The following NSG2 variants were observed in gnomAD, a reference collection of about 807,000 sequenced individuals.
NSG2 encodes the protein neuronal vesicle trafficking associated 2.
Under a neutral mutation model 16.9 loss-of-function variants are expected in NSG2, and 4 were observed. That is an observed-to-expected ratio of 0.24 (90% CI 0.12 to 0.54). The LOEUF is 0.54. NSG2 is among the 20% of genes least tolerant of loss of function. The pLI is 0.95. For missense variants in NSG2, 179 were observed against 221.1 expected (o/e 0.81, Z 1.21); for synonymous variants, 98 against 88.7 (o/e 1.11, Z -0.59).
At chr5:174,048,189 A>T (rs1004097530) in intron 2 of NSG2, among the ~76,000 whole-genome samples, 4 of 152,248 alleles carry the variant, frequency 2.6e-5, no homozygotes, top group Non-Finnish European at 4.4e-5. Flanking sequence ...GAGAAGGGGC[A>T]ATATTAATAG....
chr5:174,079,426 T>A (rs1760409315), intron 3 of NSG2, among the ~76,000 whole-genome samples: 1 of 152,052 alleles, frequency 6.6e-6, no homozygotes, highest in African/African-American at 2.4e-5. Context: ...CCTAGCTAAT[T>A]TTTGTATTTT....
intron 2 of NSG2, among the ~76,000 whole-genome samples, chr5:174,050,482 C>T (rs983987769): frequency 2.0e-5 from 3 of 152,170 alleles, no homozygotes; most frequent in Admixed American, 2.0e-4. Context: ...GCACCCATTT[C>T]ACTCATGAGG....
intron 3 of NSG2, among the ~76,000 whole-genome samples, chr5:174,092,798 T>G (rs993241527): frequency 6.6e-6 from 1 of 152,100 alleles, no homozygotes. Flanking sequence ...TGGCCCAGAC[T>G]CGGCACGTGA....
At chr5:174,103,391 G>C (rs576612223) in intron 3 of NSG2, among the ~76,000 whole-genome samples, 1 of 152,294 alleles carries the variant, frequency 6.6e-6, no homozygotes, top group African/African-American at 2.4e-5. Context: ...GACATATTCT[G>C]AGATGAAGAA....
rs983120228 is a variant in NSG2, at chr5:174,072,204, C to T, written c.213+7889C>T. On this transcript the variant is annotated intron_variant, in intron 3 of 4. Transcript: ENST00000303177. This position sits in a 1 kb window ranked among gnomAD's most constrained non-coding sequence, Gnocchi z 4.0. ...CCAGCCCTCTCCCTGATCCCTGGCC[C>T]CTTTCCTCAGCAGCCCCAGTCCTTT... Among the ~76,000 whole-genome samples, 1 of 152,212 alleles carries T rather than the reference C, an allele frequency of 6.6e-6. No homozygotes were observed. Among genetic ancestry groups the T allele is most frequent in the African/African-American group, 2.4e-5 (1 of 41,456 alleles).
At position 174,103,824 on chromosome 5, in the gene NSG2, TGTG is replaced by T. The variant is rs1429791254; in HGVS notation, c.214-396_214-394del. Among the ~76,000 whole-genome samples the T allele has an allele frequency of 4.6e-5, 7 of 151,870 alleles. No individual in the cohort carries two copies. The East Asian group carries it at 1.2e-3, about 25-fold the overall frequency. On this transcript the variant is annotated intron_variant, in intron 3 of 4. Transcript: ENST00000303177. Reference sequence around the variant, plus strand: ...CTAAAAAATACAAAAATTAGCCAGGTGTGGTGGTGGGTACCTGTAATCCCAGCT... The same window carrying T: ...CTAAAAAATACAAAAATTAGCCAGGTGTGGTGGGTACCTGTAATCCCAGCT...
At chr5:174,085,228 T>G (rs1760587349) in intron 3 of NSG2, among the ~76,000 whole-genome samples, 1 of 152,212 alleles carries the variant, frequency 6.6e-6, no homozygotes, top group Non-Finnish European at 1.5e-5. Context: ...TCTTTGGAAG[T>G]CCACCCAATG....
intron 3 of NSG2, among the ~76,000 whole-genome samples, chr5:174,081,819 G>A (rs1760474233): frequency 6.7e-6 from 1 of 149,886 alleles, no homozygotes; most frequent in Non-Finnish European, 1.5e-5. Context: ...GAACCCGGGA[G>A]GCAGAGCTTG....
intron 3 of NSG2, chr5:174,091,274 C>T (rs1760718031): frequency 6.6e-6 from 1 of 152,286 alleles, no homozygotes; most frequent in Non-Finnish European, 1.5e-5. Context: ...ATAGTCTGGC[C>T]CTGCTATGGG....
intron 3 of NSG2, among the ~76,000 whole-genome samples, chr5:174,080,525 TTCTC>T (rs72447938): frequency 0.063 from 7,909 of 125,022 alleles, 272 homozygotes; most frequent in Middle Eastern, 0.12. Flanking sequence ...CTTTCTTTCT[TTCTC>T]TCTCTCTCTC....
At chr5:174,052,514 A>G (rs750332934) in intron 2 of NSG2, among the ~76,000 whole-genome samples, 7 of 152,048 alleles carry the variant, frequency 4.6e-5, no homozygotes, top group African/African-American at 9.7e-5. Context: ...CAATTTCTCT[A>G]CTTGGTAGCT....
chr5:174,078,170 A>C (rs1265294102), intron 3 of NSG2, among the ~76,000 whole-genome samples: 2 of 152,184 alleles, frequency 1.3e-5, no homozygotes, highest in African/African-American at 4.8e-5. Flanking sequence ...GAACATTTCC[A>C]TCATTGCAGA....
intron 3 of NSG2, among the ~76,000 whole-genome samples, chr5:174,068,344 G>A (rs1009789820): frequency 2.0e-4 from 31 of 152,200 alleles, no homozygotes; most frequent in African/African-American, 7.0e-4. Context: ...AGGAGGCCCT[G>A]CAGTCATTGT....
intron 2 of NSG2, among the ~76,000 whole-genome samples, chr5:174,054,522 ACAGGCACATG>A (rs1363778758): frequency 6.6e-6 from 1 of 152,168 alleles, no homozygotes; most frequent in African/African-American, 2.4e-5. Context: ...AACTGGGACT[ACAGGCACATG>A]CTACCACACC....
chr5:174,075,247 T>C (rs927590611), intron 3 of NSG2, among the ~76,000 whole-genome samples: 4 of 152,142 alleles, frequency 2.6e-5, no homozygotes, highest in Non-Finnish European at 5.9e-5. Context: ...CATGATTAAT[T>C]AAGCCACTCG....
chr5:174,054,075 A>T (rs554221413), intron 2 of NSG2, among the ~76,000 whole-genome samples: 1 of 152,368 alleles, frequency 6.6e-6, no homozygotes, highest in Non-Finnish European at 1.5e-5. Flanking sequence ...ACGCATGTGG[A>T]ATCCTAAGCA....
chr5:174,085,962 A>G (rs947964233), intron 3 of NSG2, among the ~76,000 whole-genome samples: 2 of 152,260 alleles, frequency 1.3e-5, no homozygotes, highest in African/African-American at 4.8e-5. Flanking sequence ...CTCCTGGCTT[A>G]CAGGGATGCT....
At chr5:174,056,260 A>T (rs1759966616) in intron 2 of NSG2, 1 of 115,166 alleles carries the variant, frequency 8.7e-6, no homozygotes, top group African/African-American at 4.3e-5. Context: ...CAGGCTCCTT[A>T]TCTGTAAAAT....
In NSG2 at chr5:174,046,844, C is replaced by G. The variant is rs368992677; in HGVS notation, c.89C>G (p.Pro30Arg). The G allele has an allele frequency of 6.2e-7, 1 of 1,613,982 alleles. No homozygotes were observed. Among genetic ancestry groups the G allele is most frequent in the Non-Finnish European group, 8.5e-7 (1 of 1,180,030 alleles). Reference sequence around the variant, plus strand: ...TTCCAGACCGTCCCTCTCATCACTCCCTTGGAGGTTAATCACTTACAGCTG... The same window carrying G: ...TTCCAGACCGTCCCTCTCATCACTCGCTTGGAGGTTAATCACTTACAGCTG... ...DGFQTVPLIT[P>R]LEVNHLQLPA... Residue 30 changes from proline to arginine, a missense_variant, in exon 2 of 5, where the codon CCC becomes CGC. Pro to Arg is a moderately radical substitution (Grantham distance 103). Transcript: ENST00000303177.
Sources: allele counts gnomAD v4.1 joint callset (sites outside exome capture counted in the v4.1 genomes callset), GRCh38; gene constraint gnomAD v4.1.1; non-coding constraint Gnocchi (gnomAD v3.1); transcripts MANE v1.5; gene names NCBI Gene and HGNC (gene_info 2026-07-23, HGNC 2026-07-21).